MLLT3: variants seen among roughly 807,000 people sequenced by gnomAD.
The protein encoded by MLLT3 is MLLT3 super elongation complex subunit.
Under a neutral mutation model 53.2 loss-of-function variants are expected in MLLT3, and 4 were observed. The ratio of observed to expected loss-of-function variants is 0.08; its 90% confidence interval spans 0.04 to 0.17. MLLT3 has a LOEUF of 0.17. Ranked by LOEUF, MLLT3 falls within the 10% of genes least tolerant of loss-of-function variation. The pLI, the probability that MLLT3 is intolerant of heterozygous loss-of-function variation, is 1.00. For missense variants in MLLT3, 569 were observed against 684.0 expected (o/e 0.83, Z 1.87); for synonymous variants, 283 against 230.6 (o/e 1.23, Z -2.06).
At position 20,342,094 on chromosome 9, in the gene MLLT3, A is replaced by G. The variant is rs1390888451; in HGVS notation, c.*4349T>C. On this transcript the variant is annotated 3_prime_UTR_variant, in exon 11 of 11. Transcript: ENST00000380338. ...CCATCTATTCTTCTTTAGAAACAGC[A>G]TCACTTCTTGAGAAAAGGCTAGGGG... is the stretch of plus-strand genomic sequence containing the variant. The G allele has an allele frequency of 4.7e-6, 1 of 213,642 alleles. No individual in the cohort carries two copies. The allele number at this position is 213,642 out of a possible 1,614,324, so 13.2% of individuals were successfully genotyped here. A position where few individuals can be genotyped will look rare whatever the true frequency, so the allele number is the denominator to read the frequency against.
At chr9:20,401,266 G>A (rs994366464) in intron 5 of MLLT3, among the ~76,000 whole-genome samples, 6 of 151,898 alleles carry the variant, frequency 4.0e-5, no homozygotes, top group African/African-American at 9.7e-5. Flanking sequence ...TAGACAGTAA[G>A]TATTTTTTGA....
At chr9:20,534,382 T>G (rs2119000822) in intron 2 of MLLT3, among the ~76,000 whole-genome samples, 1 of 152,340 alleles carries the variant, frequency 6.6e-6, no homozygotes, top group South Asian at 2.1e-4. Flanking sequence ...TATGGCCCTA[T>G]TTTAATCCTT....
intron 2 of MLLT3, among the ~76,000 whole-genome samples, chr9:20,467,766 AGAG>A (rs945737218): frequency 1.3e-5 from 2 of 152,246 alleles, no homozygotes; most frequent in Non-Finnish European, 2.9e-5. Context: ...ATACGAAGAA[AGAG>A]GAGGAAAAAG....
intron 2 of MLLT3, among the ~76,000 whole-genome samples, chr9:20,617,028 G>C (rs1236288818): frequency 6.6e-6 from 1 of 152,072 alleles, no homozygotes; most frequent in Non-Finnish European, 1.5e-5. Flanking sequence ...TAAGTGCCTT[G>C]GAAAATTATA....
At chr9:20,543,941 C>T (rs1014269250) in intron 2 of MLLT3, among the ~76,000 whole-genome samples, 1 of 117,776 alleles carries the variant, frequency 8.5e-6, no homozygotes, top group African/African-American at 3.2e-5. Flanking sequence ...TAAAGTGAAG[C>T]ACAATAAAAC....
At chr9:20,366,360 G>A (rs1159402735) in intron 5 of MLLT3, among the ~76,000 whole-genome samples, 2 of 152,130 alleles carry the variant, frequency 1.3e-5, no homozygotes, top group African/African-American at 2.4e-5. Context: ...CCATGTCCCT[G>A]CAAAGGACAT....
chr9:20,527,697 C>T (rs10757135), intron 2 of MLLT3, among the ~76,000 whole-genome samples: 107,978 of 152,058 alleles, frequency 0.71, 38,753 homozygotes, highest in East Asian at 0.85. Flanking sequence ...ACTGGAACAT[C>T]AAAAGCTTTA....
chr9:20,450,590 TC>T (rs922582491), intron 3 of MLLT3, among the ~76,000 whole-genome samples: 30 of 152,172 alleles, frequency 2.0e-4, no homozygotes, highest in Non-Finnish European at 3.8e-4. Flanking sequence ...CAAGTAGTGC[TC>T]CCCACACCTG....
At chr9:20,354,687 C>T (rs995040386) in intron 9 of MLLT3, 121 bp downstream of exon 9, 2 of 674,210 alleles carry the variant, frequency 3.0e-6, no homozygotes, top group African/African-American at 3.6e-5. Flanking sequence ...ATCATTTGGG[C>T]ATCTTGGACA....
intron 2 of MLLT3, among the ~76,000 whole-genome samples, chr9:20,486,271 C>T (rs1278218310): frequency 6.6e-6 from 1 of 152,048 alleles, no homozygotes; most frequent in African/African-American, 2.4e-5. Flanking sequence ...TCTGGAATAA[C>T]TATTTTCAAA....
In MLLT3 at chr9:20,421,650, A is replaced by G. The variant is rs576889132; in HGVS notation, c.421-7225T>C. Among the ~76,000 whole-genome samples, 3 of 152,352 alleles carry G rather than the reference A, an allele frequency of 2.0e-5. No individual in the cohort carries two copies. In the South Asian group the frequency reaches 6.2e-4, roughly 32 times the overall value. On this transcript the variant is annotated intron_variant, in intron 4 of 10. Coordinates refer to ENST00000380338, the MANE Select transcript of MLLT3 (RefSeq NM_004529.4). ...GGAGAAATTTGCCAAGTTAATTCTG[A>G]CTTAAAGAAAATTTACAATCTACTT...
In MLLT3 at chr9:20,509,639, C is replaced by A. The variant is rs75839148; in HGVS notation, c.194-52853G>T. On this transcript the variant is annotated intron_variant, in intron 2 of 10. Coordinates refer to ENST00000380338, the MANE Select transcript of MLLT3 (RefSeq NM_004529.4). Reference sequence around the variant, plus strand: ...ATACCATGTTAAAAATAAGCCACCACGCCAAGACTGTATTAATAGCACAGT... The same window carrying A: ...ATACCATGTTAAAAATAAGCCACCAAGCCAAGACTGTATTAATAGCACAGT... 4.3e-3 allele frequency among the ~76,000 whole-genome samples: 649 copies of A among 152,282 alleles called. 2 individuals carry two copies. The highest frequency in any genetic ancestry group is 0.014 in the African/African-American group (564 of 41,544).
intron 4 of MLLT3, among the ~76,000 whole-genome samples, chr9:20,438,017 T>C (rs1823447891): frequency 6.6e-6 from 1 of 152,170 alleles, no homozygotes; most frequent in Admixed American, 6.6e-5. Context: ...CTCCCTATGC[T>C]TAAACCAGAC....
intron 2 of MLLT3, among the ~76,000 whole-genome samples, chr9:20,489,325 A>T (rs1304650257): frequency 6.6e-6 from 1 of 152,196 alleles, no homozygotes; most frequent in Non-Finnish European, 1.5e-5. Flanking sequence ...AAACAATGTC[A>T]TTAGAAGGTC....
intron 5 of MLLT3, among the ~76,000 whole-genome samples, chr9:20,394,543 T>C (rs765619988): frequency 1.3e-5 from 2 of 152,028 alleles, no homozygotes; most frequent in Non-Finnish European, 2.9e-5. Context: ...CTAGGTAAAT[T>C]TGGGGTCCAC....
At chr9:20,587,760 G>A (rs1002070988) in intron 2 of MLLT3, among the ~76,000 whole-genome samples, 1 of 151,902 alleles carries the variant, frequency 6.6e-6, no homozygotes, top group African/African-American at 2.4e-5. Flanking sequence ...CAGATGAGTA[G>A]GTTGAGAAAA....
Position 20,621,087 on chromosome 9 carries a change from T to C in MLLT3, c.13-253A>G. ...CATCGGACAGGATTGTAACGGAATG[T>C]TATCCCCAGTCGGGAAGGGGGTCGG... On this transcript the variant is annotated intron_variant, in intron 1 of 10. Transcript: ENST00000380338. The surrounding 1 kb of genome is among the most constrained non-coding windows in gnomAD (Gnocchi z 7.0). The C allele has an allele frequency of 1.6e-6, 1 of 618,928 alleles. No individual in the cohort carries two copies. Among genetic ancestry groups the C allele is most frequent in the Non-Finnish European group, 2.9e-6 (1 of 342,638 alleles). 38.3% of individuals were successfully genotyped at this position (618,928 alleles called of 1,614,324 possible).
intron 2 of MLLT3, among the ~76,000 whole-genome samples, chr9:20,457,073 T>C (rs938874002): frequency 1.3e-5 from 2 of 152,060 alleles, no homozygotes; most frequent in Non-Finnish European, 2.9e-5. Context: ...CACTTGTTAT[T>C]ACCCTGCCCA....
chr9:20,554,978 T>A (rs1819017801), intron 2 of MLLT3, among the ~76,000 whole-genome samples: 1 of 152,220 alleles, frequency 6.6e-6, no homozygotes, highest in Non-Finnish European at 1.5e-5. Context: ...TAAGAAACAA[T>A]AATTTTAATC....
Sources: allele counts gnomAD v4.1 joint callset (sites outside exome capture counted in the v4.1 genomes callset), GRCh38; gene constraint gnomAD v4.1.1; non-coding constraint Gnocchi (gnomAD v3.1); transcripts MANE v1.5; gene names NCBI Gene and HGNC (gene_info 2026-07-23, HGNC 2026-07-21).